Variants in NCOA2 observed in about 807,000 individuals in gnomAD.
The protein encoded by NCOA2 is class E basic helix-loop-helix protein 75.
NCOA2 carries 21 observed loss-of-function variants against 145.1 expected under a neutral mutation model. The observed-to-expected ratio is 0.14, with a 90% confidence interval of 0.10 to 0.21. The LOEUF (loss-of-function observed/expected upper bound fraction) is 0.21. NCOA2 is among the 10% of genes least tolerant of loss of function. The pLI, the probability that NCOA2 is intolerant of heterozygous loss-of-function variation, is 1.00. For synonymous variants in NCOA2, 619 were observed against 637.5 expected (o/e 0.97, Z 0.44); for missense variants, 1,472 against 1,837.6 (o/e 0.80, Z 3.64).
Position 70,314,207 on chromosome 8 carries a change from AAG to A in NCOA2, c.-76-17409_-76-17408del, listed in dbSNP as rs1554623526. ...AAAAAAAAAAAAAAAAAAAAAAAAA[AAG>A]CAACTGTCATGTCCACAAATAAATG... is the stretch of plus-strand genomic sequence containing the variant. On this transcript the variant is annotated intron_variant, in intron 1 of 22. Coordinates refer to ENST00000452400, the MANE Select transcript of NCOA2 (RefSeq NM_006540.4). Among the ~76,000 whole-genome samples, 957 of 143,332 alleles carry A rather than the reference AAG, an allele frequency of 6.7e-3. 51 individuals are homozygous for A. Among genetic ancestry groups the A allele is most frequent in the East Asian group, 0.028 (125 of 4,526 alleles). 94.0% of individuals were successfully genotyped at this position (143,332 alleles called of 152,430 possible).
At chr8:70,330,568 CA>C (rs376324516) in intron 1 of NCOA2, among the ~76,000 whole-genome samples, 2,906 of 82,024 alleles carry the variant, frequency 0.035, 90 homozygotes, top group African/African-American at 0.11. Context: ...CACCATGTCT[CA>C]AAAAAAAAAA....
At chr8:70,362,261 G>A (rs546937350) in intron 1 of NCOA2, among the ~76,000 whole-genome samples, 2 of 152,196 alleles carry the variant, frequency 1.3e-5, no homozygotes, top group South Asian at 2.1e-4. Flanking sequence ...AAAACCATAC[G>A]TCTACGTTAA....
intron 4 of NCOA2, among the ~76,000 whole-genome samples, chr8:70,200,328 T>C (rs959355505): frequency 1.3e-5 from 2 of 152,170 alleles, no homozygotes; most frequent in African/African-American, 4.8e-5. Flanking sequence ...TTCAATATTA[T>C]GGGTCCTGGT....
chr8:70,441,844 C>CAGAG, the NCOA2 span, among the ~76,000 whole-genome samples: 11 of 140,180 alleles, frequency 7.8e-5, no homozygotes, highest in African/African-American at 3.0e-4. Context: ...GAAAGAAAGA[C>CAGAG]AGAAAGACAG....
intron 1 of NCOA2, among the ~76,000 whole-genome samples, chr8:70,344,544 TA>T (rs1371512923): frequency 6.6e-6 from 1 of 152,212 alleles, no homozygotes; most frequent in African/African-American, 2.4e-5. Flanking sequence ...CTAAGGATTT[TA>T]GCTGCAAACA....
rs555023152 is a variant in NCOA2, at chr8:70,121,322, G to A, written c.4363C>T (p.Gln1455Ter). The change falls in exon 22 of 23, where the codon CAG (glutamine) becomes TAG (stop). Residue 1455 changes from glutamine (Q) to a stop codon, truncating the protein, a stop_gained. Coordinates refer to ENST00000452400, the MANE Select transcript of NCOA2 (RefSeq NM_006540.4). LOFTEE classifies it high-confidence loss of function. ...NQLPGMDMIK[Q>*]EGDTTRKYC is the part of the protein sequence containing the mutation. ...CTTACCCGTGTTGTGTCTCCCTCCT[G>A]CTTAATCATATCCATTCCAGGCAGC... 4 of 1,612,676 alleles carry A rather than the reference G, an allele frequency of 2.5e-6. No individual in the cohort carries two copies. Among genetic ancestry groups the A allele is most frequent in the Non-Finnish European group, 3.4e-6 (4 of 1,179,334 alleles).
intron 4 of NCOA2, among the ~76,000 whole-genome samples, chr8:70,178,758 G>A (rs141267194): frequency 1.6e-4 from 24 of 152,306 alleles, no homozygotes; most frequent in Middle Eastern, 3.4e-3. Context: ...TGTTGTAACC[G>A]AATTGGATTC....
At chr8:70,242,509 A>G (rs887995207) in intron 2 of NCOA2, among the ~76,000 whole-genome samples, 1 of 152,138 alleles carries the variant, frequency 6.6e-6, no homozygotes, top group African/African-American at 2.4e-5. Flanking sequence ...AATGACAAGG[A>G]CCAAAGCACC....
the NCOA2 span, among the ~76,000 whole-genome samples, chr8:70,412,616 C>A: frequency 7.0e-6 from 1 of 141,916 alleles, no homozygotes; most frequent in Admixed American, 7.1e-5. Flanking sequence ...CCACTGCACT[C>A]CAGCCTGGGC....
At chr8:70,178,588 G>A (rs1430108465) in intron 4 of NCOA2, among the ~76,000 whole-genome samples, 1 of 152,190 alleles carries the variant, frequency 6.6e-6, no homozygotes, top group East Asian at 1.9e-4. Flanking sequence ...TGCAGGGGAA[G>A]CAAAGTGAAA....
At chr8:70,128,598 A>G in intron 17 of NCOA2, 88 bp from the exon 18 acceptor site, 1 of 1,590,462 alleles carries the variant, frequency 6.3e-7, no homozygotes. Flanking sequence ...GCCCTCCCCA[A>G]CCCAGTATCT....
At chr8:70,446,040 CT>C in the NCOA2 span, among the ~76,000 whole-genome samples, 267 of 148,818 alleles carry the variant, frequency 1.8e-3, no homozygotes, top group Admixed American at 3.4e-3. Context: ...TGTAATTCTA[CT>C]TTTTTTTTTT....
chr8:70,238,520 A>G (rs114643066), intron 2 of NCOA2, among the ~76,000 whole-genome samples: 1,833 of 152,308 alleles, frequency 0.012, 49 homozygotes, highest in African/African-American at 0.042. Context: ...CATGCTCTGC[A>G]CAATTCTTCC....
At chr8:70,362,613 A>C (rs937169104) in intron 1 of NCOA2, among the ~76,000 whole-genome samples, 2 of 152,166 alleles carry the variant, frequency 1.3e-5, no homozygotes, top group Admixed American at 6.5e-5. Flanking sequence ...CCCACTATAC[A>C]CCTATCCGAA....
chr8:70,216,821 G>T, intron 2 of NCOA2, 57 bp from the exon 3 acceptor site: 1 of 1,085,868 alleles, frequency 9.2e-7, no homozygotes, highest in Non-Finnish European at 1.4e-6. Flanking sequence ...ATGATGAAGT[G>T]TCTGATCATT....
rs201351984 is a variant in NCOA2, at chr8:70,124,005, T to C, written c.4172A>G (p.Asn1391Ser). The C allele has an allele frequency of 1.9e-4, 308 of 1,613,974 alleles. No homozygotes were observed. Among genetic ancestry groups the C allele is most frequent in the Non-Finnish European group, 2.4e-4 (281 of 1,179,872 alleles). Residue 1391 changes from asparagine (N) to serine (S), a missense_variant, in exon 21 of 23, where the codon AAT (asparagine) becomes AGT (serine). By Grantham distance (46) the Asn-to-Ser change is conservative. Transcript: ENST00000452400. The part of the protein sequence containing the change: ...TSMYSNNMNI[N>S]VSMATNTGGM... ...ACCTGTGTTGGTCGCCATGGACACATTGATGTTCATGTTGTTACTGTACAT... is the reference window on the plus strand; with the variant it reads ...ACCTGTGTTGGTCGCCATGGACACACTGATGTTCATGTTGTTACTGTACAT...
Position 70,163,522 on chromosome 8 carries a change from T to C in NCOA2, c.775A>G (p.Lys259Glu). Residue 259 changes from lysine (K) to glutamate (E), a missense_variant, in exon 8 of 23, where the codon AAG (lysine) becomes GAG (glutamate). Physicochemically the swap from Lys to Glu is moderately conservative, Grantham distance 56. Transcript: ENST00000452400. The part of the protein sequence containing the change: ...LICVARRVPM[K>E]ERPVLPSSES... The stretch of plus-strand genomic sequence containing the variant: ...GATGAGGGAAGAACTGGTCTTTCCT[T>C]CATGGGAACTCTTCTTGCCACGCAA... 1.2e-6 allele frequency: 2 copies of C among 1,613,926 alleles called. No homozygotes were observed. The highest frequency in any genetic ancestry group is 1.7e-6 in the Non-Finnish European group (2 of 1,179,854).
intron 11 of NCOA2, 136 bp downstream of exon 11, chr8:70,155,835 G>GA: frequency 1.4e-6 from 1 of 720,694 alleles, no homozygotes; most frequent in Non-Finnish European, 2.2e-6. Flanking sequence ...CAGCTTCAGC[G>GA]AGATTTTCAA....
intron 1 of NCOA2, among the ~76,000 whole-genome samples, chr8:70,386,964 G>A (rs1586659323): frequency 6.6e-6 from 1 of 152,064 alleles, no homozygotes; most frequent in Admixed American, 6.5e-5. Context: ...AGGCTAGAGT[G>A]CAGTGGCATG....
Sources: gnomAD v4.1 joint callset for allele counts (sites outside exome capture counted in the v4.1 genomes callset) on GRCh38, gnomAD v4.1.1 for gene constraint, MANE v1.5 for transcripts, NCBI Gene and HGNC (gene_info 2026-07-23, HGNC 2026-07-21) for gene names.